MYO5C: variants seen among roughly 807,000 people sequenced by gnomAD.
The protein encoded by MYO5C is myosin VC, also known as unconventional myosin-Vc.
A neutral mutation model predicts 235.7 loss-of-function variants in MYO5C; 194 were observed. The ratio of observed to expected loss-of-function variants is 0.82; its 90% confidence interval spans 0.73 to 0.93. The LOEUF is 0.93. Among genes scored for constraint, MYO5C ranks in the 40% least tolerant of loss-of-function variants. MYO5C has a pLI of 0.00. For synonymous variants in MYO5C, 707 were observed against 754.8 expected (o/e 0.94, Z 1.04); for missense variants, 2,038 against 2,127.2 (o/e 0.96, Z 0.82).
intron 30 of MYO5C, 135 bp downstream of exon 30, chr15:52,221,027 C>T: frequency 1.6e-6 from 1 of 636,222 alleles, no homozygotes; most frequent in Non-Finnish European, 2.8e-6. Context: ...AACTAGCCCC[C>T]TTCTCACATT....
intron 1 of MYO5C, among the ~76,000 whole-genome samples, chr15:52,288,903 C>G (rs985002269): frequency 2.0e-5 from 3 of 152,200 alleles, no homozygotes; most frequent in African/African-American, 7.2e-5. Flanking sequence ...CAAGACCATG[C>G]CAGCCACCCC....
At chr15:52,209,171 A>G (rs928072176) in intron 35 of MYO5C, among the ~76,000 whole-genome samples, 1 of 152,180 alleles carries the variant, frequency 6.6e-6, no homozygotes, top group African/African-American at 2.4e-5. Flanking sequence ...AGGAACAAGC[A>G]GTGAAGGCAG....
chr15:52,229,185 A>G lies in MYO5C; in HGVS notation c.3155T>C (p.Val1052Ala). Residue 1052 changes from valine (V) to alanine (A), a missense_variant, in exon 25 of 41, where the codon GTC becomes GCC. By Grantham distance (64) the Val-to-Ala change is moderately conservative. Transcript: ENST00000261839. ...TTCCGCCTTCAAGCCATCAGAAGTGACGTGCTCCCCCTCCACCAGGTGTTG... is the reference window on the plus strand; with the variant it reads ...TTCCGCCTTCAAGCCATCAGAAGTGGCGTGCTCCCCCTCCACCAGGTGTTG... ...QLQHLVEGEH[V>A]TSDGLKAEVA... 6.2e-7 allele frequency: 1 copy of G among 1,614,194 alleles called. No homozygotes were observed. The highest frequency in any genetic ancestry group is 8.5e-7 in the Non-Finnish European group (1 of 1,180,032).
At chr15:52,272,220 C>T (rs1172210955) in intron 6 of MYO5C, among the ~76,000 whole-genome samples, 6 of 152,338 alleles carry the variant, frequency 3.9e-5, no homozygotes, top group Middle Eastern at 3.4e-3. Flanking sequence ...TTAAAACCCC[C>T]TCAATAGCTC....
At chr15:52,204,024 A>G (rs887843238) in intron 38 of MYO5C, among the ~76,000 whole-genome samples, 1 of 152,168 alleles carries the variant, frequency 6.6e-6, no homozygotes, top group South Asian at 2.1e-4. Context: ...CACACACTAT[A>G]AGAAACGTAA....
Position 52,194,067 on chromosome 15 carries a change from T to C in MYO5C, c.5077-13A>G, listed in dbSNP as rs1406147002. ...TATTTAGGAGAGCCTGAAATTAGAA[T>C]CAGAGGAAAAATGAGTAAGGAAACT... On this transcript the variant is annotated splice_polypyrimidine_tract_variant and intron_variant, in intron 40 of 40. Transcript: ENST00000261839. The C allele has an allele frequency of 1.2e-6, 2 of 1,603,782 alleles. No homozygotes were observed. Among genetic ancestry groups the C allele is most frequent in the South Asian group, 2.3e-5 (2 of 88,454 alleles).
At chr15:52,226,025 G>A (rs2035813984) in intron 25 of MYO5C, among the ~76,000 whole-genome samples, 1 of 151,170 alleles carries the variant, frequency 6.6e-6, no homozygotes, top group African/African-American at 2.4e-5. Flanking sequence ...ACTCCAGCCT[G>A]GGGAACAAGA....
At chr15:52,209,667 C>G (rs953367337) in intron 35 of MYO5C, among the ~76,000 whole-genome samples, 4 of 152,184 alleles carry the variant, frequency 2.6e-5, no homozygotes, top group African/African-American at 9.6e-5. Context: ...GAAGCAAATA[C>G]TGTGTGTCCT....
chr15:52,278,896 T>C lies in MYO5C; in HGVS notation c.426A>G (p.Glu142=), dbSNP rs2037105660. 1 of 1,614,040 alleles carries C rather than the reference T, an allele frequency of 6.2e-7. No homozygotes were observed. The highest frequency in any genetic ancestry group is 1.3e-5 in the African/African-American group (1 of 74,926). ...DMDPHIFAVA[E]EAYKQMARNN... is the part of the protein sequence containing the mutation. ...ACCTGGCCATCTGCTTGTATGCCTC[T>C]TCTGCCACGGCAAATATGTGTGGGT... is the stretch of plus-strand genomic sequence containing the variant. The change falls in exon 4 of 41, where the codon GAA becomes GAG. Residue 142 remains glutamate, a synonymous_variant. Coordinates refer to ENST00000261839, the MANE Select transcript of MYO5C (RefSeq NM_018728.4).
rs748693548 is a variant in MYO5C, at chr15:52,205,824, G to A, written c.4529C>T (p.Pro1510Leu). 1.9e-6 allele frequency: 3 copies of A among 1,547,548 alleles called. No individual in the cohort carries two copies. Among genetic ancestry groups the A allele is most frequent in the East Asian group, 2.3e-5 (1 of 43,938 alleles). ...FIIIMEKNIQ[P>L]IIVPGMLEYE... ...ATCCATTCTCTTCTTACCTATTATC[G>A]GTTGGATATTCTTTTCCATTATGAT... The change falls in exon 37 of 41, where the codon CCG becomes CTG. Residue 1510 changes from proline (P) to leucine (L), a missense_variant. Coordinates refer to ENST00000261839, the MANE Select transcript of MYO5C (RefSeq NM_018728.4).
At chr15:52,281,202 C>G (rs1489603214) in intron 2 of MYO5C, among the ~76,000 whole-genome samples, 1 of 152,146 alleles carries the variant, frequency 6.6e-6, no homozygotes, top group Admixed American at 6.6e-5. Flanking sequence ...GACAGACAGT[C>G]TTTGGGGGAG....
intron 1 of MYO5C, among the ~76,000 whole-genome samples, chr15:52,286,597 G>A (rs1039943419): frequency 1.3e-5 from 2 of 152,172 alleles, no homozygotes; most frequent in Non-Finnish European, 2.9e-5. Context: ...GCTGTACTAA[G>A]AAAAATTCTT....
At chr15:52,256,589 G>A (rs56035783) in intron 11 of MYO5C, 50 bp downstream of exon 11, 17,779 of 407,402 alleles carry the variant, frequency 0.044, 937 homozygotes, top group African/African-American at 0.32. Flanking sequence ...ACACACACAC[G>A]CGCGCGCGCG....
In MYO5C at chr15:52,251,389, C is replaced by T. The variant is rs866291170; in HGVS notation, c.1662+1G>A. 1 of 1,593,774 alleles carries T rather than the reference C, an allele frequency of 6.3e-7. No homozygotes were observed. The highest frequency in any genetic ancestry group is 8.6e-7 in the Non-Finnish European group (1 of 1,168,350). On this transcript the variant is annotated splice_donor_variant, in intron 13 of 40. Transcript: ENST00000261839. LOFTEE classifies it high-confidence loss of function. ...AGCATTGATGGAGACCTTCACGGTA[C>T]CTTATCAGCAAAGTGCTGGATGACA...
chr15:52,243,748 A>G (rs2036275343), intron 19 of MYO5C, among the ~76,000 whole-genome samples: 1 of 152,212 alleles, frequency 6.6e-6, no homozygotes. Flanking sequence ...TCCCGGAATG[A>G]CCGTGGTCCT....
intron 1 of MYO5C, among the ~76,000 whole-genome samples, chr15:52,294,869 T>G (rs1442810953): frequency 6.6e-6 from 1 of 152,078 alleles, no homozygotes; most frequent in South Asian, 2.1e-4. Context: ...AGAGTCAGGG[T>G]ATATGAAAGG....
intron 1 of MYO5C, among the ~76,000 whole-genome samples, chr15:52,289,615 C>CCCCACCAA (rs2037346063): frequency 6.6e-6 from 1 of 152,014 alleles, no homozygotes; most frequent in Non-Finnish European, 1.5e-5. Context: ...CCAACCCTAC[C>CCCCACCAA]CCCACCAATC....
At chr15:52,284,038 G>A (rs2037212847) in intron 1 of MYO5C, among the ~76,000 whole-genome samples, 1 of 152,006 alleles carries the variant, frequency 6.6e-6, no homozygotes, top group South Asian at 2.1e-4. Flanking sequence ...TCTACAATAT[G>A]CATCTATTAC....
At position 52,211,681 on chromosome 15, in the gene MYO5C, C is replaced by A. The variant is rs756118407; in HGVS notation, c.4296+49G>T. 7.5e-5 allele frequency: 119 copies of A among 1,578,048 alleles called. 2 individuals carry two copies. The East Asian group carries it at 2.6e-3, about 34-fold the overall frequency. On this transcript the variant is annotated intron_variant, in intron 35 of 40. Coordinates refer to ENST00000261839, the MANE Select transcript of MYO5C (RefSeq NM_018728.4). ...GATGGGCAAAGACTGGGCATCTGGTCATTCCCATAGATGTGATACCAGGGG... is the reference window on the plus strand; with the variant it reads ...GATGGGCAAAGACTGGGCATCTGGTAATTCCCATAGATGTGATACCAGGGG...
Sources: gnomAD v4.1 joint callset for allele counts (sites outside exome capture counted in the v4.1 genomes callset) on GRCh38, gnomAD v4.1.1 for gene constraint, MANE v1.5 for transcripts, NCBI Gene and HGNC (gene_info 2026-07-23, HGNC 2026-07-21) for gene names.